Variants in PCDHGA3 observed in about 807,000 individuals in gnomAD.
PCDHGA3 encodes protocadherin gamma-A3.
Under a neutral mutation model 58.5 loss-of-function variants are expected in PCDHGA3, and 40 were observed. That is an observed-to-expected ratio of 0.68 (90% CI 0.53 to 0.89). The LOEUF (loss-of-function observed/expected upper bound fraction) is 0.89. Ranked by LOEUF, PCDHGA3 falls within the 40% of genes least tolerant of loss-of-function variation. PCDHGA3 has a pLI of 0.00. For missense variants in PCDHGA3, 1,223 were observed against 1,195.9 expected, an observed-to-expected ratio of 1.02 and a Z score of -0.33; for synonymous variants, 530 against 525.7, an observed-to-expected ratio of 1.01 and a Z score of -0.11.
chr5:141,344,547 C>T lies in PCDHGA3; in HGVS notation c.514C>T (p.Leu172Phe). Residue 172 changes from leucine to phenylalanine, a missense_variant, in exon 1 of 4, where the codon CTT becomes TTT. This residue lies in a region of PCDHGA3 where 791 missense variants were observed against 708.5 expected (regional missense o/e 1.12). Coordinates refer to ENST00000253812, the MANE Select transcript of PCDHGA3 (RefSeq NM_018916.4). Reference sequence around the variant, plus strand: ...CATTAACTCCCTGCAGAACTACAAGCTTAGCCCCAATGACTACTTCTCTCT... The same window carrying T: ...CATTAACTCCCTGCAGAACTACAAGTTTAGCCCCAATGACTACTTCTCTCT... ...VGINSLQNYK[L>F]SPNDYFSLAV... The T allele has an allele frequency of 6.2e-7, 1 of 1,613,990 alleles. No homozygotes were observed. The highest frequency in any genetic ancestry group is 8.5e-7 in the Non-Finnish European group (1 of 1,179,890).
intron 1 of PCDHGA3, among the ~76,000 whole-genome samples, chr5:141,402,262 TA>T (rs1248031439): frequency 6.6e-6 from 1 of 151,912 alleles, no homozygotes; most frequent in Non-Finnish European, 1.5e-5. Context: ...CCCCAGAAAA[TA>T]ATTTCAAAGT....
chr5:141,453,317 G>A (rs1218359210), intron 1 of PCDHGA3, among the ~76,000 whole-genome samples: 1 of 151,178 alleles, frequency 6.6e-6, no homozygotes, highest in Non-Finnish European at 1.5e-5. Flanking sequence ...ATTTATTTTA[G>A]AGATGGGGTC....
rs758172962 is a variant in PCDHGA3, at chr5:141,364,474, A to G, written c.2424+18017A>G. 6.8e-6 allele frequency: 11 copies of G among 1,614,012 alleles called. 1 individual carries two copies. Among genetic ancestry groups the G allele is most frequent in the Middle Eastern group, 1.7e-4 (1 of 6,056 alleles). Reference sequence around the variant, plus strand: ...ACAAAGGCTCCTTCGTCGGCAACATAGCCAAGGACCTTGGGCTGGAGCCCC... The same window carrying G: ...ACAAAGGCTCCTTCGTCGGCAACATGGCCAAGGACCTTGGGCTGGAGCCCC... On this transcript the variant is annotated intron_variant, in intron 1 of 3. Transcript: ENST00000253812.
chr5:141,493,179 T>C lies in PCDHGA3; in HGVS notation c.2425-1628T>C, dbSNP rs1208502829. 6.6e-6 allele frequency among the ~76,000 whole-genome samples: 1 copy of C among 152,230 alleles called. No homozygotes were observed. Among genetic ancestry groups the C allele is most frequent in the Non-Finnish European group, 1.5e-5 (1 of 68,040 alleles). On this transcript the variant is annotated intron_variant, in intron 1 of 3. Coordinates refer to ENST00000253812, the MANE Select transcript of PCDHGA3 (RefSeq NM_018916.4). This position sits in a 1 kb window ranked among gnomAD's most constrained non-coding sequence, Gnocchi z 4.3. ...TGATAGCTGATTGAGAGAAACTTAC[T>C]ATATAACTCCTTTGAGAACCTCATC...
intron 1 of PCDHGA3, chr5:141,366,730 CAAAG>C: frequency 1.9e-6 from 3 of 1,613,020 alleles, no homozygotes; most frequent in Non-Finnish European, 2.5e-6. Flanking sequence ...TAGATGCAAA[CAAAG>C]AAGAACGGCG....
Position 141,491,883 on chromosome 5 carries a change from G to T in PCDHGA3, c.2425-2924G>T. On this transcript the variant is annotated intron_variant, in intron 1 of 3. Transcript: ENST00000253812. The surrounding 1 kb of genome is among the most constrained non-coding windows in gnomAD (Gnocchi z 6.9). The stretch of plus-strand genomic sequence containing the variant: ...AAACCAGAGTGGCCGATTAAGGGAT[G>T]GGGCTCCGAGCACCGGGGGTGGTGG... 1 of 1,446,756 alleles carries T rather than the reference G, an allele frequency of 6.9e-7. No individual in the cohort carries two copies. Among genetic ancestry groups the T allele is most frequent in the South Asian group, 1.5e-5 (1 of 67,644 alleles). 89.6% of individuals were successfully genotyped at this position (1,446,756 alleles called of 1,614,324 possible). A position where few individuals can be genotyped will look rare whatever the true frequency, so the allele number is the denominator to read the frequency against.
chr5:141,395,547 TGTGTGTGTG>T (rs754815609), intron 1 of PCDHGA3: 25,854 of 174,180 alleles, frequency 0.15, 2,316 homozygotes, highest in South Asian at 0.18. Flanking sequence ...ATTGTTTGTG[TGTGTGTGTG>T]TGTGTGTGTG....
At chr5:141,369,497 C>A (rs1027825158) in intron 1 of PCDHGA3, among the ~76,000 whole-genome samples, 3 of 151,926 alleles carry the variant, frequency 2.0e-5, no homozygotes, top group Non-Finnish European at 4.4e-5. Context: ...TGAAACCCCA[C>A]CTCTATAGAA....
chr5:141,403,299 T>A (rs1247528606), intron 1 of PCDHGA3: 1 of 1,613,896 alleles, frequency 6.2e-7, no homozygotes, highest in Admixed American at 1.7e-5. Flanking sequence ...AGAGTGAAAC[T>A]GTACGGAATA....
At chr5:141,474,447 G>A (rs1263877262) in intron 1 of PCDHGA3, among the ~76,000 whole-genome samples, 1 of 152,218 alleles carries the variant, frequency 6.6e-6, no homozygotes, top group Non-Finnish European at 1.5e-5. Flanking sequence ...AGTAGCAAGT[G>A]ATTGGGCTAT....
rs1203319140 is a variant in PCDHGA3, at chr5:141,357,321, T to C, written c.2424+10864T>C. 3 of 1,613,998 alleles carry C rather than the reference T, an allele frequency of 1.9e-6. No individual in the cohort carries two copies. In the African/African-American group the frequency reaches 4.0e-5, roughly 22 times the overall value. On this transcript the variant is annotated intron_variant, in intron 1 of 3. Coordinates refer to ENST00000253812, the MANE Select transcript of PCDHGA3 (RefSeq NM_018916.4). ...CTGTCTCCTGCGTCTTCCTGGCTTT[T>C]GTCACGGTGCTGCTAGCACTCAAGC...
intron 1 of PCDHGA3, chr5:141,397,910 C>G (rs1016162515): frequency 1.3e-5 from 9 of 680,688 alleles, no homozygotes; most frequent in Non-Finnish European, 2.2e-5. Flanking sequence ...GCTTGGCGCT[C>G]CAGATCTCCT....
intron 2 of PCDHGA3, among the ~76,000 whole-genome samples, chr5:141,499,829 G>A (rs1322405697): frequency 6.6e-6 from 1 of 151,548 alleles, no homozygotes; most frequent in African/African-American, 2.4e-5. Context: ...TAGGATTACA[G>A]GTGTGCACCA....
intron 1 of PCDHGA3, chr5:141,414,906 A>C (rs749933537): frequency 6.2e-7 from 1 of 1,614,146 alleles, no homozygotes; most frequent in Admixed American, 1.7e-5. Context: ...ACGGTTCCAC[A>C]GGCGTGGAGC....
intron 1 of PCDHGA3, among the ~76,000 whole-genome samples, chr5:141,483,393 C>T (rs1475344614): frequency 6.6e-6 from 1 of 152,080 alleles, no homozygotes; most frequent in Admixed American, 6.5e-5. Flanking sequence ...TTGATAAATG[C>T]TTGAACCAGC....
At chr5:141,422,002 G>A (rs754599902) in intron 1 of PCDHGA3, 41 of 1,609,306 alleles carry the variant, frequency 2.5e-5, no homozygotes, top group Non-Finnish European at 3.1e-5. Flanking sequence ...CATCAGCTCC[G>A]GAACTCGGGT....
chr5:141,372,682 C>G, intron 1 of PCDHGA3: 1 of 1,614,010 alleles, frequency 6.2e-7, no homozygotes, highest in Non-Finnish European at 8.5e-7. Context: ...TCCTCAAACA[C>G]CGAGTTTAAA....
At chr5:141,389,388 T>C (rs375763465) in intron 1 of PCDHGA3, 34 of 1,613,602 alleles carry the variant, frequency 2.1e-5, no homozygotes, top group Non-Finnish European at 2.6e-5. Context: ...GCTGTCATCC[T>C]ACGTGTCCAT....
intron 1 of PCDHGA3, among the ~76,000 whole-genome samples, chr5:141,483,557 G>A (rs141633312): frequency 4.5e-4 from 69 of 152,276 alleles, no homozygotes; most frequent in Admixed American, 1.9e-3. Context: ...GCCATTCACA[G>A]AGACAGTGAA....
Sources: allele counts gnomAD v4.1 joint callset (sites outside exome capture counted in the v4.1 genomes callset), GRCh38; gene constraint gnomAD v4.1.1; regional missense constraint gnomAD v4.1.1; non-coding constraint Gnocchi (gnomAD v3.1); transcripts MANE v1.5; gene names NCBI Gene and HGNC (gene_info 2026-07-23, HGNC 2026-07-21).